The following KCNMA1 variants were observed in gnomAD, a reference collection of about 807,000 sequenced individuals.
KCNMA1 encodes potassium calcium-activated channel subfamily M alpha 1, also known as Calcium-activated potassium channel subunit alpha-1.
In KCNMA1, 29 loss-of-function variants were observed where a neutral mutation model predicts 140.0. That is an observed-to-expected ratio of 0.21 (90% CI 0.15 to 0.28). The LOEUF (loss-of-function observed/expected upper bound fraction) is 0.28, where lower values mean the gene tolerates loss of function less well. Among genes scored for constraint, KCNMA1 ranks in the 10% least tolerant of loss-of-function variants. KCNMA1 has a pLI of 1.00. For synonymous variants in KCNMA1, 612 were observed against 611.9 expected (o/e 1.00, Z 0.00); for missense variants, 880 against 1,602.2 (o/e 0.55, Z 7.70).
At chr10:77,426,348 G>A (rs552358406) in intron 1 of KCNMA1, among the ~76,000 whole-genome samples, 2 of 152,014 alleles carry the variant, frequency 1.3e-5, no homozygotes, top group South Asian at 4.2e-4. Context: ...CTGTCTACTG[G>A]GTATGGTTCT....
At chr10:76,976,497 C>A (rs2077575262) in intron 19 of KCNMA1, among the ~76,000 whole-genome samples, 1 of 152,126 alleles carries the variant, frequency 6.6e-6, no homozygotes, top group African/African-American at 2.4e-5. Flanking sequence ...GTGTTCTCTA[C>A]AAAATACTGC....
At chr10:76,979,085 T>C (rs925116554) in intron 19 of KCNMA1, among the ~76,000 whole-genome samples, 4 of 152,186 alleles carry the variant, frequency 2.6e-5, no homozygotes, top group African/African-American at 9.7e-5. Flanking sequence ...CTGAACACCA[T>C]TTCTCAAAGG....
chr10:77,278,156 T>C (rs1297213431), intron 2 of KCNMA1, among the ~76,000 whole-genome samples: 1 of 152,188 alleles, frequency 6.6e-6, no homozygotes, highest in African/African-American at 2.4e-5. Flanking sequence ...AAAAGAATTT[T>C]CTCAGACCCT....
chr10:77,412,314 T>C (rs1415726071), intron 1 of KCNMA1, among the ~76,000 whole-genome samples: 2 of 152,326 alleles, frequency 1.3e-5, no homozygotes, highest in East Asian at 3.9e-4. Flanking sequence ...ATTGATGGAC[T>C]GCGCTCTGAG....
In KCNMA1 at chr10:77,157,739, G is replaced by A. The variant is rs56722928; in HGVS notation, c.808+25682C>T. Among the ~76,000 whole-genome samples the A allele has an allele frequency of 3.9e-3, 595 of 152,148 alleles. 6 individuals carry two copies. Among genetic ancestry groups the A allele is most frequent in the African/African-American group, 0.014 (561 of 41,500 alleles). ...CCCTTCATCCTGCCTTCAGCGAGGC[G>A]AGCCCCACAGCAAGGGCCAAAGTCT... On this transcript the variant is annotated intron_variant, in intron 5 of 27. Transcript: ENST00000286628.
At chr10:77,021,389 A>G (rs1453508471) in intron 16 of KCNMA1, among the ~76,000 whole-genome samples, 2 of 152,216 alleles carry the variant, frequency 1.3e-5, no homozygotes, top group Non-Finnish European at 2.9e-5. Flanking sequence ...AGAAGGTCTT[A>G]AATTCTTAGT....
In KCNMA1 at chr10:77,526,518, A is replaced by G. The variant is rs191639344; in HGVS notation, c.378+110747T>C. ...TTTCTCAAAAGCCAATAGCATCCAG[A>G]TATTTGCACTTTTCGGTTGCTTGGT... is the stretch of plus-strand genomic sequence containing the variant. On this transcript the variant is annotated intron_variant, in intron 1 of 27. Coordinates refer to ENST00000286628, the MANE Select transcript of KCNMA1 (RefSeq NM_001161352.2). 1.8e-3 allele frequency among the ~76,000 whole-genome samples: 278 copies of G among 152,342 alleles called. 1 individual carries two copies. Among genetic ancestry groups the G allele is most frequent in the African/African-American group, 6.4e-3 (268 of 41,586 alleles).
chr10:77,417,601 T>C (rs1374480966), intron 1 of KCNMA1, among the ~76,000 whole-genome samples: 2 of 152,220 alleles, frequency 1.3e-5, no homozygotes, highest in African/African-American at 2.4e-5. Flanking sequence ...CTACCAGGCA[T>C]GTCAGTCAAA....
At chr10:77,214,566 A>C (rs2047107891) in intron 3 of KCNMA1, among the ~76,000 whole-genome samples, 1 of 152,158 alleles carries the variant, frequency 6.6e-6, no homozygotes, top group African/African-American at 2.4e-5. Flanking sequence ...TGTCCTCCAT[A>C]GCCAACCACA....
chr10:77,606,390 G>T (rs1466481723), intron 1 of KCNMA1, among the ~76,000 whole-genome samples: 1 of 152,168 alleles, frequency 6.6e-6, no homozygotes, highest in African/African-American at 2.4e-5. Flanking sequence ...CCAGTGCTTT[G>T]GGAGGCCAAG....
chr10:76,913,066 G>T (rs895208514), intron 24 of KCNMA1: 1 of 152,184 alleles, frequency 6.6e-6, no homozygotes, highest in African/African-American at 2.4e-5. Flanking sequence ...TAGACATCTC[G>T]CAAGCAAGAT....
chr10:77,114,305 A>C (rs1357941483), intron 6 of KCNMA1, among the ~76,000 whole-genome samples: 1 of 152,204 alleles, frequency 6.6e-6, no homozygotes, highest in African/African-American at 2.4e-5. Context: ...GGAGCATAGC[A>C]GACCCGTGAC....
chr10:76,954,720 C>G (rs1042801444), intron 20 of KCNMA1, among the ~76,000 whole-genome samples: 2 of 152,216 alleles, frequency 1.3e-5, no homozygotes, highest in Non-Finnish European at 2.9e-5. Flanking sequence ...GAGCCTCAAG[C>G]TCAGATGCAT....
chr10:77,575,890 G>A (rs1332766993), intron 1 of KCNMA1, among the ~76,000 whole-genome samples: 1 of 152,210 alleles, frequency 6.6e-6, no homozygotes, highest in Non-Finnish European at 1.5e-5. Flanking sequence ...CCCTGACTTG[G>A]GGGTTGGGCC....
intron 2 of KCNMA1, among the ~76,000 whole-genome samples, chr10:77,265,156 A>C (rs1202958370): frequency 1.3e-5 from 2 of 151,092 alleles, no homozygotes; most frequent in East Asian, 3.9e-4. Flanking sequence ...GGTTCAAGTG[A>C]TTCTCCTGTC....
intron 2 of KCNMA1, among the ~76,000 whole-genome samples, chr10:77,377,934 C>T (rs2095231588): frequency 6.6e-6 from 1 of 152,186 alleles, no homozygotes; most frequent in Non-Finnish European, 1.5e-5. Flanking sequence ...ATAGTGAGAC[C>T]TCAGTAAATG....
intron 1 of KCNMA1, among the ~76,000 whole-genome samples, chr10:77,470,706 G>C (rs1013339135): frequency 9.9e-5 from 15 of 152,142 alleles, no homozygotes; most frequent in African/African-American, 2.2e-4. Flanking sequence ...CTGTGTGCAG[G>C]CTCCGCCATC....
At chr10:77,505,624 G>C (rs1448443131) in intron 1 of KCNMA1, among the ~76,000 whole-genome samples, 6 of 152,198 alleles carry the variant, frequency 3.9e-5, no homozygotes, top group African/African-American at 1.4e-4. Flanking sequence ...AGACAAGAAA[G>C]CAGAAAAGAT....
intron 1 of KCNMA1, among the ~76,000 whole-genome samples, chr10:77,543,459 A>G (rs1603634669): frequency 1.3e-5 from 2 of 152,230 alleles, no homozygotes; most frequent in East Asian, 3.8e-4. Context: ...TTGTGAACAC[A>G]CACTACAGGA....
Sources: gnomAD v4.1 joint callset for allele counts (sites outside exome capture counted in the v4.1 genomes callset) on GRCh38, gnomAD v4.1.1 for gene constraint, MANE v1.5 for transcripts, NCBI Gene and HGNC (gene_info 2026-07-23, HGNC 2026-07-21) for gene names.